Variants in RREB1 observed in about 807,000 individuals in gnomAD.
RREB1 encodes the protein ras responsive element binding protein 1.
RREB1 carries 27 observed loss-of-function variants against 117.8 expected under a neutral mutation model. The observed-to-expected ratio is 0.23, with a 90% CI of 0.17 to 0.32. The LOEUF (loss-of-function observed/expected upper bound fraction) is 0.32. Among genes scored for constraint, RREB1 ranks in the 10% least tolerant of loss-of-function variants. The probability of loss-of-function intolerance (pLI) is 1.00; values close to 1 mark genes in which losing one functional copy is unlikely to be tolerated. For missense variants in RREB1, 2,577 were observed against 2,378.2 expected (o/e 1.08, Z -1.74); for synonymous variants, 1,298 against 1,026.7 (o/e 1.26, Z -5.05).
intron 10 of RREB1, among the ~76,000 whole-genome samples, chr6:7,232,907 T>A (rs564033180): frequency 5.2e-4 from 79 of 152,278 alleles, no homozygotes; most frequent in African/African-American, 1.9e-3. Context: ...GTATTTTTCT[T>A]TTTTTGAGAC....
At chr6:7,247,280 C>T in intron 12 of RREB1, 59 bp downstream of exon 12, 2 of 1,492,774 alleles carry the variant, frequency 1.3e-6, no homozygotes, top group African/African-American at 2.8e-5. Context: ...GGCACCTCTC[C>T]TAGGAGCTCC....
intron 1 of RREB1, among the ~76,000 whole-genome samples, chr6:7,138,318 G>A (rs1762428142): frequency 6.6e-6 from 1 of 152,120 alleles, no homozygotes; most frequent in Admixed American, 6.5e-5. Flanking sequence ...TTAATTGGTG[G>A]GAAGGAAAAC....
At chr6:7,221,442 G>A (rs1581559216) in intron 8 of RREB1, among the ~76,000 whole-genome samples, 1 of 152,184 alleles carries the variant, frequency 6.6e-6, no homozygotes, top group Non-Finnish European at 1.5e-5. Flanking sequence ...AAAGTGCTGG[G>A]ATTACAGGCG....
At chr6:7,135,713 T>C (rs1027735469) in intron 1 of RREB1, among the ~76,000 whole-genome samples, 1 of 152,224 alleles carries the variant, frequency 6.6e-6, no homozygotes, top group Non-Finnish European at 1.5e-5. Flanking sequence ...TCCGTTTAAG[T>C]TTTATGTGCC....
chr6:7,159,861 A>G (rs993887063), intron 1 of RREB1, among the ~76,000 whole-genome samples: 3 of 152,206 alleles, frequency 2.0e-5, no homozygotes, highest in Non-Finnish European at 4.4e-5. Context: ...CTATTTTCCT[A>G]AAGCTGAATA....
chr6:7,176,971 C>CT (rs1222991365), intron 2 of RREB1, among the ~76,000 whole-genome samples, 198 bp downstream of exon 2: 2 of 151,974 alleles, frequency 1.3e-5, no homozygotes, highest in African/African-American at 4.8e-5. Context: ...AATTCCAGCA[C>CT]TTTAGGAGGC....
chr6:7,128,650 A>C (rs1196501109), intron 1 of RREB1, among the ~76,000 whole-genome samples: 1 of 151,344 alleles, frequency 6.6e-6, no homozygotes, highest in Non-Finnish European at 1.5e-5. Context: ...TGATACCTGG[A>C]GAGTTTCTAC....
At chr6:7,226,786 C>A in intron 9 of RREB1, 130 bp downstream of exon 9, 1 of 722,840 alleles carries the variant, frequency 1.4e-6, no homozygotes, top group Non-Finnish European at 2.3e-6. Flanking sequence ...TTTTTTGTAA[C>A]ACCTTTTTTC....
At chr6:7,127,902 A>T (rs1762006139) in intron 1 of RREB1, among the ~76,000 whole-genome samples, 1 of 152,048 alleles carries the variant, frequency 6.6e-6, no homozygotes, top group Non-Finnish European at 1.5e-5. Flanking sequence ...ACTGCAGCTG[A>T]AACAGCCAAC....
At chr6:7,225,882 T>C (rs566240758) in intron 8 of RREB1, among the ~76,000 whole-genome samples, 3 of 152,310 alleles carry the variant, frequency 2.0e-5, no homozygotes, top group African/African-American at 7.2e-5. Context: ...GCGCCTGGGC[T>C]CAGTCCATGA....
chr6:7,149,253 A>T (rs993073957), intron 1 of RREB1, among the ~76,000 whole-genome samples: 1 of 152,272 alleles, frequency 6.6e-6, no homozygotes, highest in South Asian at 2.1e-4. Context: ...TGAATTGTGC[A>T]TATTTATCAC....
chr6:7,109,737 A>G (rs1256443064), intron 1 of RREB1, among the ~76,000 whole-genome samples: 1 of 152,226 alleles, frequency 6.6e-6, no homozygotes, highest in African/African-American at 2.4e-5. Flanking sequence ...AGCAGTTCAC[A>G]TTCCATTACG....
At chr6:7,119,923 G>A (rs940090369) in intron 1 of RREB1, among the ~76,000 whole-genome samples, 3 of 152,154 alleles carry the variant, frequency 2.0e-5, no homozygotes, top group Non-Finnish European at 4.4e-5. Context: ...TAAGAGGTGG[G>A]AGGGGCTTGG....
chr6:7,189,885 A>G (rs538663366), intron 6 of RREB1, among the ~76,000 whole-genome samples: 1 of 152,128 alleles, frequency 6.6e-6, no homozygotes, highest in Non-Finnish European at 1.5e-5. Context: ...AGAGTGGTAG[A>G]CATATTAAAA....
intron 8 of RREB1, among the ~76,000 whole-genome samples, chr6:7,225,318 G>A (rs1357098583): frequency 6.6e-6 from 1 of 152,170 alleles, no homozygotes; most frequent in Non-Finnish European, 1.5e-5. Context: ...CTGTGTCTGT[G>A]CTTCCCGATG....
chr6:7,214,905 A>G (rs1164735491), intron 8 of RREB1: 1 of 152,092 alleles, frequency 6.6e-6, no homozygotes, highest in African/African-American at 2.4e-5. Context: ...ATTTCCCTCC[A>G]CTCCACTGTG....
At position 7,229,830 on chromosome 6, in the gene RREB1, C is replaced by T. The variant is rs1338616765; in HGVS notation, c.1731C>T (p.Leu577=). The T allele has an allele frequency of 5.0e-6, 8 of 1,610,464 alleles. No homozygotes were observed. The Admixed American group carries it at 8.4e-5, about 17-fold the overall frequency. Residue 577 remains leucine (L), a synonymous_variant, in exon 10 of 13, where the codon CTC becomes CTT. Transcript: ENST00000379938. This position sits in a 1 kb window ranked among gnomAD's most constrained non-coding sequence, Gnocchi z 4.5. ...SGTQPHAATR[L]SLQQPRAELP... is the part of the protein sequence containing the mutation. Reference sequence around the variant, plus strand: ...CCCAGCCCCACGCGGCCACGCGGCTCTCCCTGCAGCAGCCGCGGGCGGAGC... The same window carrying T: ...CCCAGCCCCACGCGGCCACGCGGCTTTCCCTGCAGCAGCCGCGGGCGGAGC...
intron 6 of RREB1, among the ~76,000 whole-genome samples, chr6:7,209,980 G>T (rs371151896): frequency 1.3e-4 from 20 of 152,220 alleles, no homozygotes; most frequent in African/African-American, 4.3e-4. Flanking sequence ...GCAAAATTAG[G>T]AAATTAAAAC....
chr6:7,142,354 C>G (rs1762641824), intron 1 of RREB1, among the ~76,000 whole-genome samples: 2 of 152,160 alleles, frequency 1.3e-5, no homozygotes, highest in African/African-American at 4.8e-5. Context: ...GCGCTGCCCT[C>G]GGCACCACCG....
Sources: allele counts gnomAD v4.1 joint callset (sites outside exome capture counted in the v4.1 genomes callset), GRCh38; gene constraint gnomAD v4.1.1; non-coding constraint Gnocchi (gnomAD v3.1); transcripts MANE v1.5; gene names NCBI Gene and HGNC (gene_info 2026-07-23, HGNC 2026-07-21).